The following SYS1 variants were observed in gnomAD, a reference collection of about 807,000 sequenced individuals.
SYS1 encodes the protein protein SYS1 homolog.
SYS1 carries 8 observed loss-of-function variants against 17.8 expected under a neutral mutation model. The ratio of observed to expected loss-of-function variants is 0.45; its 90% confidence interval spans 0.26 to 0.81. SYS1 has a LOEUF of 0.81. Ranked by LOEUF, SYS1 falls within the 40% of genes least tolerant of loss-of-function variation. The pLI is 0.16. For synonymous variants in SYS1, 95 were observed against 90.9 expected (o/e 1.05, Z -0.26); for missense variants, 161 against 203.9 (o/e 0.79, Z 1.28).
chr20:45,367,995 G>A lies in SYS1; in HGVS notation c.*880G>A, dbSNP rs1487283283. On this transcript the variant is annotated 3_prime_UTR_variant, in exon 4 of 4. Transcript: ENST00000243918. The stretch of plus-strand genomic sequence containing the variant: ...GAAGCCCAACCTTCTGGCCTGGGCT[G>A]TGCTGATAGTGCTGAGGGAGATAGG... 3.0e-6 allele frequency: 3 copies of A among 985,370 alleles called. No individual in the cohort carries two copies. The highest frequency in any genetic ancestry group is 3.5e-5 in the African/African-American group (2 of 57,238). 61.0% of individuals were successfully genotyped at this position (985,370 alleles called of 1,614,324 possible).
At chr20:45,374,135 A>C (rs1237217678), downstream of SYS1, 1 of 857,848 alleles carries the variant, frequency 1.2e-6, no homozygotes, top group Non-Finnish European at 1.9e-6. Flanking sequence ...CTTTGCTAAA[A>C]AGGAAAAGCC....
rs1270399835 is a variant in SYS1 at position 45,367,174 on chromosome 20, A to G, written c.*59A>G. ...GGCCCCTTAACACCTTGGGCTGCTC[A>G]GACCCTCCAGATGAGGTCCAGCCCA... On this transcript the variant is annotated 3_prime_UTR_variant, in exon 4 of 4. Coordinates refer to ENST00000243918, the MANE Select transcript of SYS1 (RefSeq NM_033542.4). The G allele has an allele frequency of 6.3e-7, 1 of 1,596,338 alleles. No homozygotes were observed.
At chr20:45,369,596 CTTTTT>C (rs573922300), downstream of SYS1, among the ~76,000 whole-genome samples, 630 of 102,796 alleles carry the variant, frequency 6.1e-3, 1 homozygote, top group East Asian at 0.013. Flanking sequence ...CAGAGATTTC[CTTTTT>C]TTTTTTTTTT....
At chr20:45,362,206 T>C (rs1294897274), upstream of SYS1, among the ~76,000 whole-genome samples, 2 of 152,180 alleles carry the variant, frequency 1.3e-5, no homozygotes, top group Non-Finnish European at 2.9e-5. Context: ...GACACCCACA[T>C]TTTAAAACAC....
At chr20:45,369,908 ACCAAG>A (rs1430673912), downstream of SYS1, among the ~76,000 whole-genome samples, 1 of 146,922 alleles carries the variant, frequency 6.8e-6, no homozygotes, top group East Asian at 2.0e-4. Context: ...GGTGTGAGCC[ACCAAG>A]CCCAACTGGC....
At chr20:45,373,400 A>G (rs1988615773), downstream of SYS1, 2 of 169,152 alleles carry the variant, frequency 1.2e-5, no homozygotes, top group Admixed American at 5.5e-5. Context: ...GTTTTTGACA[A>G]TCAATTTTTG....
chr20:45,366,851 C>T (rs375825425), intron 3 of SYS1, 24 bp from the exon 4 acceptor site: 2 of 1,602,870 alleles, frequency 1.2e-6, no homozygotes, highest in Non-Finnish European at 1.7e-6. Flanking sequence ...CCAGTGACAA[C>T]TCACTGCTGT....
chr20:45,367,721 G>T lies in SYS1; in HGVS notation c.*606G>T, dbSNP rs887050689. On this transcript the variant is annotated 3_prime_UTR_variant, in exon 4 of 4. Transcript: ENST00000243918. Reference sequence around the variant, plus strand: ...TGTGCCCTGTTATACACACGTTCATGTGCACCCAAGAACCTATGACTTTCT... The same window carrying T: ...TGTGCCCTGTTATACACACGTTCATTTGCACCCAAGAACCTATGACTTTCT... 34 of 987,058 alleles carry T rather than the reference G, an allele frequency of 3.4e-5. No individual in the cohort carries two copies. In the African/African-American group the frequency reaches 5.9e-4, roughly 17 times the overall value. 61.1% of individuals were successfully genotyped at this position (987,058 alleles called of 1,614,324 possible).
intron 1 of SYS1, 61 bp from the exon 2 acceptor site, chr20:45,363,468 G>C: frequency 1.3e-6 from 2 of 1,522,736 alleles, no homozygotes; most frequent in Non-Finnish European, 1.8e-6. Context: ...CCTCCTCCCG[G>C]GCGGGGCGAC....
In SYS1 at chr20:45,363,673, G is replaced by A; in HGVS notation, c.142G>A (p.Asp48Asn). Reference protein sequence around the residue: ...DGLVRSSPSLDQMFDAEILGF... With the variant: ...DGLVRSSPSLNQMFDAEILGF... Reference sequence around the variant, plus strand: ...GCTAGTGCGAAGCAGCCCCTCGCTGGACCAGATGTTCGACGCCGAGGTAGG... The same window carrying A: ...GCTAGTGCGAAGCAGCCCCTCGCTGAACCAGATGTTCGACGCCGAGGTAGG... Residue 48 changes from aspartate to asparagine, a missense_variant, in exon 2 of 4, where the codon GAC becomes AAC. By Grantham distance (23) the Asp-to-Asn change is conservative. Coordinates refer to ENST00000243918, the MANE Select transcript of SYS1 (RefSeq NM_033542.4). The A allele has an allele frequency of 6.4e-7, 1 of 1,571,506 alleles. No individual in the cohort carries two copies. Among genetic ancestry groups the A allele is most frequent in the Non-Finnish European group, 8.6e-7 (1 of 1,160,220 alleles).
upstream of SYS1, chr20:45,362,919 C>T (rs916605593): frequency 1.3e-5 from 2 of 159,718 alleles, no homozygotes; most frequent in Non-Finnish European, 1.3e-5. Flanking sequence ...CCTAAGCCAC[C>T]CCACTTGCCT....
At chr20:45,363,351 G>A (rs1988284629) in intron 1 of SYS1, 36 bp downstream of exon 1, 4 of 1,426,918 alleles carry the variant, frequency 2.8e-6, no homozygotes, top group Non-Finnish European at 3.7e-6. Context: ...GTACGGGCGG[G>A]GGCCGCGCAG....
chr20:45,363,736 G>A (rs1255623503), intron 2 of SYS1, 43 bp downstream of exon 2: 1 of 1,535,776 alleles, frequency 6.5e-7, no homozygotes. Context: ...CGGCCTCCCC[G>A]AGTAGGCTTT....
At chr20:45,374,105 G>A, downstream of SYS1, 1 of 1,187,534 alleles carries the variant, frequency 8.4e-7, no homozygotes, top group Non-Finnish European at 1.2e-6. Flanking sequence ...GTGCTGTGGT[G>A]TCTGGTAGGT....
chr20:45,363,449 G>C (rs1988289328), intron 1 of SYS1, 80 bp from the exon 2 acceptor site: 2 of 1,499,200 alleles, frequency 1.3e-6, no homozygotes, highest in Non-Finnish European at 1.8e-6. Flanking sequence ...TCACCCCTTG[G>C]TTCCAGTCCC....
In SYS1 at chr20:45,368,615, T is replaced by C; in HGVS notation, c.*1500T>C. The C allele has an allele frequency of 9.1e-6, 9 of 985,416 alleles. No homozygotes were observed. The highest frequency in any genetic ancestry group is 1.7e-5 in the African/African-American group (1 of 57,338). The allele number at this position is 985,416 out of a possible 1,614,324, so 61.0% of individuals were successfully genotyped here. A position where few individuals can be genotyped will look rare whatever the true frequency, so the allele number is the denominator to read the frequency against. On this transcript the variant is annotated 3_prime_UTR_variant, in exon 4 of 4. Coordinates refer to ENST00000243918, the MANE Select transcript of SYS1 (RefSeq NM_033542.4). ...CAGGATGAAGATTTAGGAATAAATATGCCTGGGAAGAGACTGGGAAGGTTC... is the reference window on the plus strand; with the variant it reads ...CAGGATGAAGATTTAGGAATAAATACGCCTGGGAAGAGACTGGGAAGGTTC...
chr20:45,363,601 A>C lies in SYS1; in HGVS notation c.70A>C (p.Thr24Pro). The C allele has an allele frequency of 6.2e-7, 1 of 1,604,558 alleles. No individual in the cohort carries two copies. Among genetic ancestry groups the C allele is most frequent in the South Asian group, 1.1e-5 (1 of 89,378 alleles). ...LILSQIVLMQ[T>P]VYYGSLGLWL... ...CCTGTCGCAGATCGTCCTCATGCAG[A>C]CCGTGTATTACGGCTCGCTGGGCCT... Residue 24 changes from threonine to proline, a missense_variant, in exon 2 of 4, where the codon ACC (threonine) becomes CCC (proline). Coordinates refer to ENST00000243918, the MANE Select transcript of SYS1 (RefSeq NM_033542.4).
exon 4 of SYS1, chr20:45,374,948 C>T: frequency 3.3e-6 from 5 of 1,523,274 alleles, no homozygotes; most frequent in Non-Finnish European, 4.4e-6. Flanking sequence ...CTCAAGACTC[C>T]AGATCCTGAA....
chr20:45,363,389 C>G, intron 1 of SYS1, 74 bp downstream of exon 1: 1 of 1,435,372 alleles, frequency 7.0e-7, no homozygotes, highest in South Asian at 1.4e-5. Context: ...TCCCCTCACT[C>G]TGAGAATGGG....
Sources: gnomAD v4.1 joint callset for allele counts (sites outside exome capture counted in the v4.1 genomes callset) on GRCh38, gnomAD v4.1.1 for gene constraint, MANE v1.5 for transcripts, NCBI Gene and HGNC (gene_info 2026-07-23, HGNC 2026-07-21) for gene names.